The following NCAM2 variants were observed in gnomAD, a reference collection of about 807,000 sequenced individuals.
NCAM2 encodes neural cell adhesion molecule 2, also known as N-CAM-2.
In NCAM2, 30 loss-of-function variants were observed where a neutral mutation model predicts 98.1. The ratio of observed to expected loss-of-function variants is 0.31; its 90% CI spans 0.23 to 0.41. The LOEUF (loss-of-function observed/expected upper bound fraction) is 0.41, where lower values mean the gene tolerates loss of function less well. Ranked by LOEUF, NCAM2 falls within the 10% of genes least tolerant of loss-of-function variation. NCAM2 has a pLI of 1.00. For synonymous variants in NCAM2, 368 were observed against 342.4 expected (o/e 1.07, Z -0.83); for missense variants, 867 against 1,005.8 (o/e 0.86, Z 1.87).
At chr21:21,148,838 A>G (rs570063096) in intron 1 of NCAM2, among the ~76,000 whole-genome samples, 1 of 152,338 alleles carries the variant, frequency 6.6e-6, no homozygotes, top group Non-Finnish European at 1.5e-5. Flanking sequence ...AATTATTCTT[A>G]CAGTAGAAAT....
rs114455017 is a variant in NCAM2, at chr21:21,473,247, C to T, written c.1897-4044C>T. ...GGTATTCAAGCCAGGTCCCTTGATG[C>T]TTCTCGTTTGCCCATTTGTAAACTC... On this transcript the variant is annotated intron_variant, in intron 14 of 17. Coordinates refer to ENST00000400546, the MANE Select transcript of NCAM2 (RefSeq NM_004540.5). Among the ~76,000 whole-genome samples the T allele has an allele frequency of 3.7e-3, 551 of 150,650 alleles. 5 individuals carry two copies. Among genetic ancestry groups the T allele is most frequent in the African/African-American group, 0.012 (494 of 41,116 alleles).
chr21:21,523,407 T>C (rs1417141402), intron 16 of NCAM2, among the ~76,000 whole-genome samples: 1 of 151,414 alleles, frequency 6.6e-6, no homozygotes, highest in Non-Finnish European at 1.5e-5. Flanking sequence ...CTTCTGCATA[T>C]GGATATCTAT....
At chr21:21,452,957 TTA>T (rs1981469059) in intron 12 of NCAM2, among the ~76,000 whole-genome samples, 1 of 34,910 alleles carries the variant, frequency 2.9e-5, no homozygotes, top group Non-Finnish European at 5.7e-5. Flanking sequence ...ATACTATATA[TTA>T]TATATTATAT....
At chr21:21,045,791 G>C (rs186815661) in intron 1 of NCAM2, among the ~76,000 whole-genome samples, 81 of 152,278 alleles carry the variant, frequency 5.3e-4, no homozygotes, top group African/African-American at 1.4e-3. Context: ...TAAATTCAAC[G>C]TCATAAAATA....
At chr21:21,009,645 C>T (rs6518022) in intron 1 of NCAM2, among the ~76,000 whole-genome samples, 2,201 of 151,942 alleles carry the variant, frequency 0.014, 55 homozygotes, top group African/African-American at 0.05. Flanking sequence ...TAAATGTCTG[C>T]TGTGTCGATA....
At chr21:21,121,034 A>G (rs991439303) in intron 1 of NCAM2, among the ~76,000 whole-genome samples, 4 of 152,054 alleles carry the variant, frequency 2.6e-5, no homozygotes, top group African/African-American at 9.7e-5. Flanking sequence ...TTATTTGTAC[A>G]CTGCAAATGT....
intron 5 of NCAM2, among the ~76,000 whole-genome samples, chr21:21,308,770 T>G (rs1331066654): frequency 1.3e-5 from 2 of 152,218 alleles, no homozygotes; most frequent in African/African-American, 4.8e-5. Context: ...CCAACTGATC[T>G]TGATCTTATC....
intron 12 of NCAM2, among the ~76,000 whole-genome samples, chr21:21,437,492 G>A (rs1978552467): frequency 6.6e-6 from 1 of 151,746 alleles, no homozygotes; most frequent in Non-Finnish European, 1.5e-5. Context: ...GTGTGTGTGT[G>A]TGTGTGTGTT....
At chr21:21,495,373 GT>G (rs1173927779) in intron 15 of NCAM2, among the ~76,000 whole-genome samples, 1 of 151,908 alleles carries the variant, frequency 6.6e-6, no homozygotes, top group Admixed American at 6.6e-5. Flanking sequence ...CTTATATGGT[GT>G]GTGGAAATGG....
intron 1 of NCAM2, among the ~76,000 whole-genome samples, chr21:21,116,770 G>A (rs953952985): frequency 6.6e-6 from 1 of 152,064 alleles, no homozygotes; most frequent in African/African-American, 2.4e-5. Flanking sequence ...CAGGAGAATG[G>A]TGTGAACCCA....
chr21:21,018,864 A>G (rs895664122), intron 1 of NCAM2, among the ~76,000 whole-genome samples: 9 of 152,126 alleles, frequency 5.9e-5, no homozygotes, highest in African/African-American at 1.4e-4. Flanking sequence ...TCCTTTTTCT[A>G]TAACTAGCAT....
chr21:21,508,878 G>A lies in NCAM2; in HGVS notation c.2105G>A (p.Gly702Glu). Residue 702 changes from glycine to glutamate, a missense_variant, in exon 16 of 18, where the codon GGA becomes GAA. By Grantham distance (98) the Gly-to-Glu change is moderately conservative (BLOSUM62 -2). Around this residue, in one of 5 missense-constraint regions of NCAM2, gnomAD observed 234 missense variants for 333.8 expected, o/e 0.70. Transcript: ENST00000400546. ...ACGCTGTTTAATGGTCTTGGGCTTG[G>A]AGCAGTAATTGGCCTGGGAGTTGCT... ...KDTLFNGLGLGAVIGLGVAAL... is the reference protein window; with the variant it reads ...KDTLFNGLGLEAVIGLGVAAL... The A allele has an allele frequency of 1.9e-6, 3 of 1,553,442 alleles. No homozygotes were observed. Among genetic ancestry groups the A allele is most frequent in the Non-Finnish European group, 2.6e-6 (3 of 1,150,972 alleles).
intron 1 of NCAM2, among the ~76,000 whole-genome samples, chr21:21,086,292 T>C (rs1729778978): frequency 6.6e-6 from 1 of 152,208 alleles, no homozygotes; most frequent in African/African-American, 2.4e-5. Flanking sequence ...AAGACGACTT[T>C]GGTGACACAG....
At chr21:21,429,043 C>A (rs2077273340) in intron 11 of NCAM2, among the ~76,000 whole-genome samples, 1 of 151,402 alleles carries the variant, frequency 6.6e-6, no homozygotes, top group Admixed American at 6.6e-5. Context: ...CTTATAAAAC[C>A]AAAATGTAAA....
chr21:21,087,001 T>G (rs969034163), intron 1 of NCAM2, among the ~76,000 whole-genome samples: 2 of 151,902 alleles, frequency 1.3e-5, no homozygotes, highest in Non-Finnish European at 2.9e-5. Context: ...TGTAGACATA[T>G]CTAACATTGT....
chr21:21,176,086 A>G (rs1399375407), intron 1 of NCAM2, among the ~76,000 whole-genome samples: 1 of 152,186 alleles, frequency 6.6e-6, no homozygotes. Flanking sequence ...GAAAGAAAGG[A>G]AAAAGAAAGA....
At chr21:21,469,295 A>G (rs1984124227) in intron 14 of NCAM2, among the ~76,000 whole-genome samples, 1 of 152,016 alleles carries the variant, frequency 6.6e-6, no homozygotes, top group Non-Finnish European at 1.5e-5. Flanking sequence ...ATGTTTGGAG[A>G]GCTAAAAGCT....
At chr21:21,479,903 A>G (rs1985675504) in intron 15 of NCAM2, among the ~76,000 whole-genome samples, 1 of 152,044 alleles carries the variant, frequency 6.6e-6, no homozygotes, top group African/African-American at 2.4e-5. Flanking sequence ...TGGTTCTGCA[A>G]TGTTAAGATC....
chr21:21,515,416 A>C (rs560079194), intron 16 of NCAM2, among the ~76,000 whole-genome samples: 1 of 152,294 alleles, frequency 6.6e-6, no homozygotes, highest in South Asian at 2.1e-4. Context: ...TTTTTAAAAA[A>C]TGTTTCTACC....
Sources: gnomAD v4.1 joint callset for allele counts (sites outside exome capture counted in the v4.1 genomes callset) on GRCh38, gnomAD v4.1.1 for gene constraint, gnomAD v4.1.1 regional missense constraint, MANE v1.5 for transcripts, NCBI Gene and HGNC (gene_info 2026-07-23, HGNC 2026-07-21) for gene names.